Variants in HEATR4 observed in about 807,000 individuals in gnomAD.
The protein encoded by HEATR4 is HEAT repeat-containing protein 4.
In HEATR4, 95 loss-of-function variants were observed where a neutral mutation model predicts 108.8. The ratio of observed to expected loss-of-function variants is 0.87; its 90% CI spans 0.74 to 1.04. The LOEUF is 1.04. Among genes scored for constraint, HEATR4 ranks in the 50% least tolerant of loss-of-function variants. The pLI is 0.00. For synonymous variants in HEATR4, 443 were observed against 459.4 expected, an observed-to-expected ratio of 0.96 and a Z score of 0.46; for missense variants, 1,152 against 1,253.8, an observed-to-expected ratio of 0.92 and a Z score of 1.23.
the HEATR4 span, chr14:73,591,871 C>T: frequency 1.6e-6 from 2 of 1,268,496 alleles, no homozygotes; most frequent in Non-Finnish European, 2.0e-6. Flanking sequence ...CCAGGGGACG[C>T]CGGACGCCGT....
chr14:73,626,850 G>A, the HEATR4 span, among the ~76,000 whole-genome samples: 2 of 136,548 alleles, frequency 1.5e-5, no homozygotes, highest in Non-Finnish European at 3.0e-5. Context: ...CCAGGCTAGA[G>A]TGCAATGGTA....
chr14:73,599,258 C>T, the HEATR4 span, among the ~76,000 whole-genome samples: 1,672 of 152,134 alleles, frequency 0.011, 33 homozygotes, highest in African/African-American at 0.038. Context: ...CCTCTCAAGC[C>T]CTGTCCAAAC....
the HEATR4 span, among the ~76,000 whole-genome samples, chr14:73,611,753 T>C: frequency 3.9e-5 from 6 of 152,228 alleles, no homozygotes; most frequent in East Asian, 1.2e-3. Flanking sequence ...TCACCAGGTA[T>C]TAATATTAAG....
Position 73,491,330 on chromosome 14 carries a change from C to A in HEATR4, c.2844+1736G>T, listed in dbSNP as rs1295719023. On this transcript the variant is annotated intron_variant, in intron 17 of 17. Transcript: ENST00000553558. ...ATACGGCCACCTGGGGCCCGCAGAG[C>A]TGCTGGAGGCCTCGCCCGCCGCGCG... 2.7e-6 allele frequency: 4 copies of A among 1,471,916 alleles called. No homozygotes were observed. In the African/African-American group the frequency reaches 4.4e-5, roughly 16 times the overall value. The allele number at this position is 1,471,916 out of a possible 1,614,324, so 91.2% of individuals were successfully genotyped here.
the HEATR4 span, among the ~76,000 whole-genome samples, chr14:73,566,867 C>T: frequency 3.2e-4 from 48 of 152,278 alleles, 2 homozygotes; most frequent in South Asian, 5.8e-3. Flanking sequence ...GCTGCCAGCA[C>T]GCTGTCACCT....
chr14:73,536,303 T>TA (rs1888859674), intron 1 of HEATR4, among the ~76,000 whole-genome samples: 3 of 98,396 alleles, frequency 3.0e-5, no homozygotes, highest in African/African-American at 7.5e-5. Flanking sequence ...TTAAGTTTGA[T>TA]GAAAAAAAAA....
chr14:73,605,971 A>G, the HEATR4 span, among the ~76,000 whole-genome samples: 1 of 152,146 alleles, frequency 6.6e-6, no homozygotes, highest in Non-Finnish European at 1.5e-5. Flanking sequence ...CATCACCCAG[A>G]TCGATTAACC....
intron 2 of HEATR4, chr14:73,529,006 T>C (rs1888533934): frequency 6.6e-6 from 1 of 152,152 alleles, no homozygotes; most frequent in African/African-American, 2.4e-5. Context: ...AATAGCCCTC[T>C]AGAACCAAAA....
In HEATR4 at chr14:73,514,292, A is replaced by G. The variant is rs528094608; in HGVS notation, c.1211-58T>C. On this transcript the variant is annotated intron_variant, in intron 5 of 17. Transcript: ENST00000553558. Reference sequence around the variant, plus strand: ...CCCACTGCCTTAGGCCCTGCCACACAGTGGCCCCAGCTTGCATCCCATTCC... The same window carrying G: ...CCCACTGCCTTAGGCCCTGCCACACGGTGGCCCCAGCTTGCATCCCATTCC... The G allele has an allele frequency of 6.1e-6, 9 of 1,484,344 alleles. No homozygotes were observed. In the South Asian group the frequency reaches 9.4e-5, roughly 15 times the overall value. The allele number at this position is 1,484,344 out of a possible 1,614,324, so 91.9% of individuals were successfully genotyped here. A position where few individuals can be genotyped will look rare whatever the true frequency, so the allele number is the denominator to read the frequency against.
In HEATR4 at chr14:73,521,060, A is replaced by T. The variant is rs773364538; in HGVS notation, c.882-21T>A. The T allele has an allele frequency of 2.5e-6, 4 of 1,605,350 alleles. No individual in the cohort carries two copies. In the East Asian group the frequency reaches 6.7e-5, roughly 27 times the overall value. ...GCAATCTTGGCAGGGGTGAGAAAGG[A>T]GGGAAAAGGGGGAAAGAGTAGGAGG... On this transcript the variant is annotated intron_variant, in intron 3 of 17. Coordinates refer to ENST00000553558, the MANE Select transcript of HEATR4 (RefSeq NM_001220484.1).
intron 1 of HEATR4, among the ~76,000 whole-genome samples, chr14:73,549,373 C>T (rs1486030126): frequency 1.7e-5 from 2 of 119,222 alleles, no homozygotes; most frequent in East Asian, 1.0e-3. Flanking sequence ...AACAATCATG[C>T]ATCGAGCCCT....
At chr14:73,500,771 T>G (rs1349817013) in intron 11 of HEATR4, 41 bp from the exon 12 acceptor site, 1 of 1,587,692 alleles carries the variant, frequency 6.3e-7, no homozygotes, top group Admixed American at 1.7e-5. Context: ...TCCTTAAACT[T>G]TCAGTACCTA....
chr14:73,479,532 G>C (rs1885165463), intron 17 of HEATR4, among the ~76,000 whole-genome samples: 1 of 148,838 alleles, frequency 6.7e-6, no homozygotes, highest in Non-Finnish European at 1.5e-5. Context: ...TCTGCCCCCA[G>C]AGTTCAAGGG....
the HEATR4 span, chr14:73,619,325 CTG>C: frequency 6.2e-7 from 1 of 1,614,134 alleles, no homozygotes; most frequent in South Asian, 1.1e-5. Context: ...ATCACAGCCA[CTG>C]TACTTATCAA....
At chr14:73,500,161 C>T (rs1595095326) in intron 12 of HEATR4, among the ~76,000 whole-genome samples, 3 of 152,110 alleles carry the variant, frequency 2.0e-5, no homozygotes, top group African/African-American at 7.2e-5. Flanking sequence ...ACCTGGGAGG[C>T]GGAGCTTGCA....
At chr14:73,572,415 A>C in the HEATR4 span, among the ~76,000 whole-genome samples, 10 of 151,980 alleles carry the variant, frequency 6.6e-5, no homozygotes, top group Non-Finnish European at 1.3e-4. Context: ...CTAGGAGAAC[A>C]CATTCAGTAT....
At chr14:73,483,677 G>T (rs1043221057) in intron 17 of HEATR4, among the ~76,000 whole-genome samples, 4 of 151,974 alleles carry the variant, frequency 2.6e-5, no homozygotes, top group African/African-American at 9.7e-5. Context: ...TTAAAGAAGA[G>T]CTTACATATT....
At chr14:73,494,633 C>T (rs1029347708) in intron 16 of HEATR4, among the ~76,000 whole-genome samples, 6 of 152,156 alleles carry the variant, frequency 3.9e-5, no homozygotes, top group African/African-American at 7.2e-5. Flanking sequence ...TTACTGCAGC[C>T]TCAACCTCCT....
chr14:73,532,803 A>C (rs1263619738), intron 1 of HEATR4, among the ~76,000 whole-genome samples: 1 of 112,834 alleles, frequency 8.9e-6, no homozygotes, highest in African/African-American at 2.9e-5. Context: ...AACATACAAA[A>C]AAATTAGCCG....
Sources: allele counts gnomAD v4.1 joint callset (sites outside exome capture counted in the v4.1 genomes callset), GRCh38; gene constraint gnomAD v4.1.1; transcripts MANE v1.5; gene names NCBI Gene and HGNC (gene_info 2026-07-23, HGNC 2026-07-21).